LTBP1: variants seen among roughly 807,000 people sequenced by gnomAD.
LTBP1 encodes the protein latent transforming growth factor beta binding protein 1.
LTBP1 carries 129 observed loss-of-function variants against 207.6 expected under a neutral mutation model. That is an observed-to-expected ratio of 0.62 (90% CI 0.54 to 0.72). The LOEUF (loss-of-function observed/expected upper bound fraction) is 0.72, where lower values mean the gene tolerates loss of function less well. Ranked by LOEUF, LTBP1 falls within the 30% of genes least tolerant of loss-of-function variation. The pLI is 0.00. For missense variants in LTBP1, 2,281 were observed against 2,217.2 expected (o/e 1.03, Z -0.58); for synonymous variants, 963 against 833.7 (o/e 1.16, Z -2.67).
chr2:33,320,953 G>A (rs943829977), intron 24 of LTBP1, among the ~76,000 whole-genome samples: 1 of 151,950 alleles, frequency 6.6e-6, no homozygotes, highest in African/African-American at 2.4e-5. Context: ...CATATTTTTG[G>A]CATTACCTTT....
At chr2:33,170,696 A>G (rs2085351077) in intron 5 of LTBP1, among the ~76,000 whole-genome samples, 1 of 152,238 alleles carries the variant, frequency 6.6e-6, no homozygotes, top group African/African-American at 2.4e-5. Context: ...GAGAAGGGGC[A>G]GACTGCCTCC....
chr2:32,963,330 G>A (rs1319904564), intron 2 of LTBP1, among the ~76,000 whole-genome samples: 2 of 151,748 alleles, frequency 1.3e-5, no homozygotes, highest in South Asian at 4.2e-4. Context: ...TCAGCCCCCC[G>A]AGTAGCTAGG....
intron 3 of LTBP1, among the ~76,000 whole-genome samples, chr2:33,072,896 C>T (rs574597716): frequency 2.6e-5 from 4 of 152,142 alleles, no homozygotes; most frequent in Non-Finnish European, 5.9e-5. Context: ...TATGGTCTAC[C>T]ACCACTTCAG....
intron 31 of LTBP1, among the ~76,000 whole-genome samples, chr2:33,375,438 C>T (rs1325768283): frequency 6.6e-6 from 1 of 152,200 alleles, no homozygotes; most frequent in Non-Finnish European, 1.5e-5. Flanking sequence ...AGAAGCTCCA[C>T]CTGTGCCCGG....
In LTBP1 at chr2:33,300,530, T is replaced by TGGACAGGGGTACCAG; in HGVS notation, c.3316_3330dup (p.Gly1106_Gln1110dup). The TGGACAGGGGTACCAG allele has an allele frequency of 6.2e-7, 1 of 1,613,768 alleles. No homozygotes were observed. Among genetic ancestry groups the TGGACAGGGGTACCAG allele is most frequent in the Non-Finnish European group, 8.5e-7 (1 of 1,179,764 alleles). On this transcript the variant is annotated inframe_insertion, in exon 21 of 34. Transcript: ENST00000404816. ...CCGAGGGCTCCTTCAGGTGCACCTG[T>TGGACAGGGGTACCAG]GGACAGGGGTACCAGCTGTCGGCAG...
chr2:33,204,074 C>G (rs944870721), intron 7 of LTBP1, among the ~76,000 whole-genome samples: 1 of 152,150 alleles, frequency 6.6e-6, no homozygotes, highest in Non-Finnish European at 1.5e-5. Context: ...AAAAATCAGT[C>G]CTCTGAAATC....
chr2:33,273,910 T>A (rs2093371334), intron 16 of LTBP1, 129 bp downstream of exon 16: 4 of 743,534 alleles, frequency 5.4e-6, no homozygotes, highest in Middle Eastern at 4.2e-4. Flanking sequence ...AGTTTATCCC[T>A]TAGCTAAGGG....
chr2:33,206,793 T>TG (rs2149206423), intron 7 of LTBP1, among the ~76,000 whole-genome samples: 1 of 152,182 alleles, frequency 6.6e-6, no homozygotes, highest in East Asian at 1.9e-4. Context: ...TTCATCATTT[T>TG]GGGGGTGATC....
intron 4 of LTBP1, among the ~76,000 whole-genome samples, chr2:33,123,471 C>G (rs1286822682): frequency 6.6e-6 from 1 of 151,918 alleles, no homozygotes; most frequent in Admixed American, 6.6e-5. Context: ...TCTGCCATGT[C>G]TTGAACATGG....
intron 31 of LTBP1, among the ~76,000 whole-genome samples, chr2:33,381,325 T>A (rs1203573912): frequency 1.3e-5 from 2 of 152,170 alleles, no homozygotes; most frequent in African/African-American, 2.4e-5. Context: ...ACCCAACAAA[T>A]CTCTTTTTTC....
chr2:33,217,586 A>T lies in LTBP1; in HGVS notation c.1736A>T (p.Glu579Val). ...GCGCTCCCTGGCCTTTCAAAGCAAG[A>T]GGACTGCTGTGGAACTGTGGGTACC... The part of the protein sequence containing the change: ...GKALPGLSKQ[E>V]DCCGTVGTSW... Residue 579 changes from glutamate (E) to valine (V), a missense_variant, in exon 8 of 34, where the codon GAG (glutamate) becomes GTG (valine). By Grantham distance (121) the Glu-to-Val change is moderately radical (BLOSUM62 -2). Transcript: ENST00000404816. The T allele has an allele frequency of 6.2e-7, 1 of 1,614,000 alleles. No individual in the cohort carries two copies. Among genetic ancestry groups the T allele is most frequent in the Non-Finnish European group, 8.5e-7 (1 of 1,179,894 alleles).
chr2:33,222,208 A>G, intron 9 of LTBP1, 57 bp downstream of exon 9: 2 of 1,295,884 alleles, frequency 1.5e-6, no homozygotes, highest in Admixed American at 1.7e-5. Flanking sequence ...CTTTTTAGAA[A>G]CTTCAGTTGT....
intron 2 of LTBP1, among the ~76,000 whole-genome samples, chr2:32,991,745 C>G (rs563714471): frequency 2.6e-5 from 4 of 152,322 alleles, no homozygotes; most frequent in African/African-American, 9.6e-5. Flanking sequence ...GTCATCTAAT[C>G]TAGCTCCTCC....
intron 2 of LTBP1, among the ~76,000 whole-genome samples, chr2:32,970,247 G>A (rs1680651218): frequency 1.3e-5 from 2 of 152,110 alleles, no homozygotes; most frequent in Admixed American, 6.5e-5. Context: ...TTCCTTTGCT[G>A]TGCAGAAGCT....
intron 3 of LTBP1, among the ~76,000 whole-genome samples, chr2:33,036,589 C>T: frequency 6.6e-6 from 1 of 152,098 alleles, no homozygotes; most frequent in East Asian, 1.9e-4. Flanking sequence ...TCCCAAGTAG[C>T]TGGGATTACA....
chr2:33,101,764 A>G (rs935771691), intron 3 of LTBP1, among the ~76,000 whole-genome samples: 4 of 152,162 alleles, frequency 2.6e-5, no homozygotes, highest in Non-Finnish European at 5.9e-5. Context: ...TTGGTTTTAG[A>G]TAAGCTCTCC....
intron 2 of LTBP1, among the ~76,000 whole-genome samples, chr2:32,951,374 G>A (rs185044404): frequency 1.3e-5 from 2 of 152,274 alleles, no homozygotes; most frequent in Admixed American, 6.5e-5. Context: ...GTCAGCGTGC[G>A]ATCCAAAATA....
intron 2 of LTBP1, among the ~76,000 whole-genome samples, chr2:32,976,384 C>T (rs550757868): frequency 6.6e-6 from 1 of 152,104 alleles, no homozygotes; most frequent in Non-Finnish European, 1.5e-5. Context: ...GTGGGGTGCA[C>T]ATGTGTTGGT....
intron 31 of LTBP1, among the ~76,000 whole-genome samples, chr2:33,374,345 C>G (rs1305107598): frequency 6.6e-6 from 1 of 152,154 alleles, no homozygotes; most frequent in Admixed American, 6.6e-5. Flanking sequence ...CTTCAACCTC[C>G]TTTATCCAAA....
Sources: allele counts gnomAD v4.1 joint callset (sites outside exome capture counted in the v4.1 genomes callset), GRCh38; gene constraint gnomAD v4.1.1; transcripts MANE v1.5; gene names NCBI Gene and HGNC (gene_info 2026-07-23, HGNC 2026-07-21).